Variants in TJP1 observed in about 807,000 individuals in gnomAD.
TJP1 encodes the protein tight junction protein 1, also known as tight junction protein ZO-1.
Under a neutral mutation model 194.2 loss-of-function variants are expected in TJP1, and 43 were observed. That is an observed-to-expected ratio of 0.22 (90% CI 0.17 to 0.29). The LOEUF is 0.29. Ranked by LOEUF, TJP1 falls within the 10% of genes least tolerant of loss-of-function variation. The probability of loss-of-function intolerance (pLI) is 1.00; values close to 1 mark genes in which losing one functional copy is unlikely to be tolerated. For missense variants in TJP1, 1,971 were observed against 2,185.7 expected (o/e 0.90, Z 1.96); for synonymous variants, 801 against 779.0 (o/e 1.03, Z -0.47).
intron 2 of TJP1, among the ~76,000 whole-genome samples, chr15:29,857,920 C>T (rs2152095460): frequency 6.6e-6 from 1 of 152,226 alleles, no homozygotes; most frequent in Non-Finnish European, 1.5e-5. Context: ...AGTCACCATG[C>T]CTGGCTAATT....
chr15:29,934,880 T>C (rs374933469), intron 2 of TJP1, among the ~76,000 whole-genome samples: 1 of 152,348 alleles, frequency 6.6e-6, no homozygotes, highest in East Asian at 1.9e-4. Flanking sequence ...CATTTGACTG[T>C]AGATTTACAA....
At chr15:29,939,423 C>G (rs8027580) in intron 2 of TJP1, among the ~76,000 whole-genome samples, 18,307 of 152,058 alleles carry the variant, frequency 0.12, 2,348 homozygotes, top group African/African-American at 0.32. Flanking sequence ...AGTCTCTCTG[C>G]GAATGCTTCA....
At position 29,939,262 on chromosome 15, in the gene TJP1, C is replaced by T. The variant is rs565788012; in HGVS notation, c.306+16970G>A. 3.3e-4 allele frequency among the ~76,000 whole-genome samples: 51 copies of T among 152,242 alleles called. 4 individuals carry two copies. The highest frequency in any genetic ancestry group is 1.1e-3 in the African/African-American group (46 of 41,548). On this transcript the variant is annotated intron_variant, in intron 2 of 28. Transcript: ENST00000356107. The stretch of plus-strand genomic sequence containing the variant: ...TTTCCTGGTAATGCTTCATGACATA[C>T]GATCTTTTAGTCATTATTCCTAAAT...
At chr15:29,821,788 C>A (rs1395121390) in intron 1 of TJP1, among the ~76,000 whole-genome samples, 1 of 148,810 alleles carries the variant, frequency 6.7e-6, no homozygotes, top group Non-Finnish European at 1.5e-5. Context: ...AGCCCCCTCC[C>A]CGGCCGCCCC....
chr15:29,868,391 T>G (rs1314020626), intron 2 of TJP1, among the ~76,000 whole-genome samples: 1 of 152,204 alleles, frequency 6.6e-6, no homozygotes, highest in Middle Eastern at 3.2e-3. Context: ...TTCAGTGTTG[T>G]GGCTTCATAT....
intron 1 of TJP1, among the ~76,000 whole-genome samples, chr15:29,801,000 A>G (rs1250833384): frequency 6.6e-6 from 1 of 152,242 alleles, no homozygotes; most frequent in Non-Finnish European, 1.5e-5. Context: ...CTTAGAAAAG[A>G]ATAAAAGTTG....
chr15:29,862,657 T>G (rs2052127924), intron 2 of TJP1, among the ~76,000 whole-genome samples: 1 of 147,022 alleles, frequency 6.8e-6, no homozygotes, highest in Non-Finnish European at 1.5e-5. Flanking sequence ...CTTTTTTTTT[T>G]TTTTTTTTGA....
chr15:29,810,251 T>A (rs1211187503), intron 1 of TJP1, among the ~76,000 whole-genome samples: 1 of 152,234 alleles, frequency 6.6e-6, no homozygotes, highest in African/African-American at 2.4e-5. Context: ...AGACTGGCTG[T>A]AAGTTGTTAA....
intron 2 of TJP1, among the ~76,000 whole-genome samples, chr15:29,883,368 G>A (rs903807538): frequency 2.2e-4 from 34 of 152,160 alleles, no homozygotes; most frequent in African/African-American, 8.2e-4. Flanking sequence ...AATGTGGCAT[G>A]GTGTTCTGTG....
chr15:29,708,417 A>G (rs1175111648), intron 25 of TJP1, 142 bp downstream of exon 25: 1 of 712,882 alleles, frequency 1.4e-6, no homozygotes, highest in Non-Finnish European at 2.4e-6. Flanking sequence ...CTTCTATGTA[A>G]CAGCATTCAT....
rs11396162 is a variant in TJP1 at position 29,876,520 on chromosome 15, C to CAA, written c.307-75820_307-75819dup. Among the ~76,000 whole-genome samples the CAA allele has an allele frequency of 3.9e-3, 537 of 136,684 alleles. 1 individual carries two copies. The highest frequency in any genetic ancestry group is 0.013 in the African/African-American group (494 of 37,604). 89.7% of individuals were successfully genotyped at this position (136,684 alleles called of 152,430 possible). The stretch of plus-strand genomic sequence containing the variant: ...TGGGCAACAGAGTGAGACTCTGTCT[C>CAA]AAAAAAAAAAAAAATATGAGATTTT... On this transcript the variant is annotated intron_variant, in intron 2 of 28. Transcript: ENST00000356107.
rs2042342171 is a variant in TJP1 at position 29,713,124 on chromosome 15, G to C, written c.4203-2124C>G. ...ACTGAACATCAGTCTCTCACATTTA[G>C]TTCTTTAAAAGCTACAAACCACCAT... On this transcript the variant is annotated intron_variant, in intron 23 of 27. Coordinates refer to ENST00000614355, the MANE Select transcript of TJP1 (RefSeq NM_001330239.4). Among the ~76,000 whole-genome samples the C allele has an allele frequency of 1.3e-5, 2 of 152,166 alleles. 1 individual carries two copies. The highest frequency in any genetic ancestry group is 4.1e-4 in the South Asian group (2 of 4,826).
intron 25 of TJP1, among the ~76,000 whole-genome samples, chr15:29,706,218 C>A (rs1445910195): frequency 2.0e-5 from 3 of 152,198 alleles, no homozygotes; most frequent in African/African-American, 4.8e-5. Context: ...CAGGCGTGAG[C>A]CACCGCGCCT....
chr15:29,890,094 G>C (rs1000936813), intron 2 of TJP1, among the ~76,000 whole-genome samples: 3 of 151,968 alleles, frequency 2.0e-5, no homozygotes, highest in African/African-American at 4.8e-5. Flanking sequence ...GGCATGCCCC[G>C]ATCAGCAAAA....
intron 8 of TJP1, among the ~76,000 whole-genome samples, chr15:29,743,637 G>C (rs1359900222): frequency 1.3e-5 from 2 of 152,132 alleles, no homozygotes; most frequent in Non-Finnish European, 2.9e-5. Flanking sequence ...TGAGGTGGGA[G>C]AATTGCTTGA....
intron 2 of TJP1, among the ~76,000 whole-genome samples, chr15:29,796,198 A>G (rs549587684): frequency 3.3e-5 from 5 of 152,210 alleles, no homozygotes; most frequent in African/African-American, 1.2e-4. Context: ...AAGGCAAGAA[A>G]AAGAAATAAA....
intron 2 of TJP1, among the ~76,000 whole-genome samples, chr15:29,864,165 G>A (rs556798004): frequency 1.9e-4 from 28 of 150,310 alleles, no homozygotes; most frequent in Admixed American, 6.0e-4. Context: ...AGGCCGAGGC[G>A]GGTGGATCAC....
chr15:29,878,645 C>T (rs1318499314), intron 2 of TJP1, among the ~76,000 whole-genome samples: 1 of 151,926 alleles, frequency 6.6e-6, no homozygotes, highest in African/African-American at 2.4e-5. Context: ...TGAAAGGTGT[C>T]TCTACAATTT....
rs566069411 is a variant in TJP1 at position 29,811,995 on chromosome 15, G to A, written c.27+10007C>T. Reference sequence around the variant, plus strand: ...TATTAAAATAGGCTTCACTTAAAATGTTTTTAGAAGACACAGCTAACATAA... The same window carrying A: ...TATTAAAATAGGCTTCACTTAAAATATTTTTAGAAGACACAGCTAACATAA... On this transcript the variant is annotated intron_variant, in intron 1 of 27. Coordinates refer to ENST00000614355, the MANE Select transcript of TJP1 (RefSeq NM_001330239.4). 9.0e-4 allele frequency among the ~76,000 whole-genome samples: 137 copies of A among 152,316 alleles called. 1 individual carries two copies. Among genetic ancestry groups the A allele is most frequent in the Non-Finnish European group, 1.6e-3 (106 of 68,032 alleles).
Sources: gnomAD v4.1 joint callset for allele counts (sites outside exome capture counted in the v4.1 genomes callset) on GRCh38, gnomAD v4.1.1 for gene constraint, MANE v1.5 for transcripts, NCBI Gene and HGNC (gene_info 2026-07-23, HGNC 2026-07-21) for gene names.